The following KIF1A variants were observed in gnomAD, a reference collection of about 807,000 sequenced individuals.
KIF1A encodes the protein kinesin family member 1A, also known as kinesin-like protein KIF1A.
KIF1A carries 46 observed loss-of-function variants against 227.3 expected under a neutral mutation model. The observed-to-expected ratio is 0.20, with a 90% CI of 0.16 to 0.26. The LOEUF is 0.26. Ranked by LOEUF, KIF1A falls within the 10% of genes least tolerant of loss-of-function variation. The pLI, the probability that KIF1A is intolerant of heterozygous loss-of-function variation, is 1.00. For synonymous variants in KIF1A, 1,022 were observed against 1,012.8 expected (o/e 1.01, Z -0.17); for missense variants, 1,683 against 2,485.9 (o/e 0.68, Z 6.87).
chr2:240,798,445 G>C (rs1291414159), intron 1 of KIF1A, among the ~76,000 whole-genome samples: 3 of 152,232 alleles, frequency 2.0e-5, no homozygotes, highest in Non-Finnish European at 2.9e-5. Flanking sequence ...ACATTCCTGA[G>C]CCCCACTGAG....
Position 240,745,982 on chromosome 2 carries a change from T to C in KIF1A, c.3202+57A>G, listed in dbSNP as rs2048551130. On this transcript the variant is annotated intron_variant, in intron 30 of 48. Coordinates refer to ENST00000498729, the MANE Select transcript of KIF1A (RefSeq NM_001244008.2). ...TTCCAGCCACAGGCCTGGGCCGGGCTCAGGAACCAGGTCTCAGCATCCCCT... is the reference window on the plus strand; with the variant it reads ...TTCCAGCCACAGGCCTGGGCCGGGCCCAGGAACCAGGTCTCAGCATCCCCT... 6 of 1,596,808 alleles carry C rather than the reference T, an allele frequency of 3.8e-6. No homozygotes were observed. In the Admixed American group the frequency reaches 6.9e-5, roughly 18 times the overall value.
intron 20 of KIF1A, among the ~76,000 whole-genome samples, chr2:240,764,817 A>G (rs2050954150): frequency 6.6e-6 from 1 of 152,134 alleles, no homozygotes; most frequent in East Asian, 1.9e-4. Context: ...AAGCAGGTGA[A>G]GACCTAAGAG....
intron 1 of KIF1A, 123 bp from the exon 2 acceptor site, chr2:240,797,935 ATG>A (rs2056582000): frequency 1.8e-6 from 1 of 558,518 alleles, no homozygotes; most frequent in Non-Finnish European, 3.2e-6. Flanking sequence ...TGATACATGC[ATG>A]GGGTGGAATC....
Position 240,719,844 on chromosome 2 carries a change from C to T in KIF1A, c.4951G>A (p.Ala1651Thr), listed in dbSNP as rs112808596. ...TCCTTGTCTGTCTCTGTTGCCCGGG[C>T]AGGGGAAGGGAGCTTCTTGGAGTCG... The part of the protein sequence containing the change: ...EADSKKLPSP[A>T]RATETDKEPQ... Residue 1651 changes from alanine (A) to threonine (T), a missense_variant, in exon 46 of 49, where the codon GCC (alanine) becomes ACC (threonine). Coordinates refer to ENST00000498729, the MANE Select transcript of KIF1A (RefSeq NM_001244008.2). 6.2e-7 allele frequency: 1 copy of T among 1,611,720 alleles called. No individual in the cohort carries two copies.
intron 28 of KIF1A, among the ~76,000 whole-genome samples, chr2:240,749,025 C>T (rs1476322374): frequency 6.6e-6 from 1 of 151,900 alleles, no homozygotes; most frequent in South Asian, 2.1e-4. Flanking sequence ...ACTCGGCAGG[C>T]TGAGGCAGGA....
At chr2:240,720,116 C>T (rs1157482364) in intron 45 of KIF1A, 190 bp from the exon 46 acceptor site, 2 of 497,066 alleles carry the variant, frequency 4.0e-6, no homozygotes, top group Non-Finnish European at 6.7e-6. Context: ...GTGCCCGATT[C>T]CAGGAAGTGC....
At chr2:240,795,204 G>T (rs2056225268) in intron 2 of KIF1A, among the ~76,000 whole-genome samples, 1 of 152,160 alleles carries the variant, frequency 6.6e-6, no homozygotes, top group Admixed American at 6.5e-5. Flanking sequence ...TCCTGGGCTT[G>T]CCTAGACTTC....
At chr2:240,773,687 A>G (rs1292501926) in intron 12 of KIF1A, among the ~76,000 whole-genome samples, 1 of 152,168 alleles carries the variant, frequency 6.6e-6, no homozygotes, top group Non-Finnish European at 1.5e-5. Context: ...ATGAACCTCT[A>G]TTGGGCCACA....
intron 13 of KIF1A, among the ~76,000 whole-genome samples, chr2:240,772,905 G>T (rs1001823167): frequency 1.3e-5 from 2 of 152,228 alleles, no homozygotes; most frequent in African/African-American, 4.8e-5. Flanking sequence ...CCCCCGCCCG[G>T]CCTCCCACCC....
chr2:240,813,228 A>G (rs575246518), intron 1 of KIF1A, among the ~76,000 whole-genome samples: 235 of 152,326 alleles, frequency 1.5e-3, no homozygotes, highest in African/African-American at 5.2e-3. Flanking sequence ...ACCCCTGGAG[A>G]GTAAGGAGCC....
At chr2:240,777,045 T>C (rs1446911566) in intron 10 of KIF1A, among the ~76,000 whole-genome samples, 2 of 152,110 alleles carry the variant, frequency 1.3e-5, no homozygotes, top group Non-Finnish European at 2.9e-5. Context: ...TTTTGTTTTG[T>C]TTTTGTTTTT....
At position 240,792,262 on chromosome 2, in the gene KIF1A, C is replaced by T. The variant is rs932426308; in HGVS notation, c.107-2950G>A. On this transcript the variant is annotated intron_variant, in intron 2 of 48. Transcript: ENST00000498729. The surrounding 1 kb of genome is among the most constrained non-coding windows in gnomAD (Gnocchi z 4.5). ...CTCCCCGATTCTGCTGGAGAAAGGG[C>T]TTTTTTTGCCAGGGTCTGGAATTTT... Among the ~76,000 whole-genome samples the T allele has an allele frequency of 1.3e-5, 2 of 152,078 alleles. No individual in the cohort carries two copies. The highest frequency in any genetic ancestry group is 3.9e-4 in the East Asian group (2 of 5,186).
At position 240,789,806 on chromosome 2, in the gene KIF1A, A is replaced by T. The variant is rs957726190; in HGVS notation, c.107-494T>A. On this transcript the variant is annotated intron_variant, in intron 2 of 48. Coordinates refer to ENST00000498729, the MANE Select transcript of KIF1A (RefSeq NM_001244008.2). The surrounding 1 kb of genome is among the most constrained non-coding windows in gnomAD (Gnocchi z 4.8). ...GCGGTTCTTCTAGGCTTGCTACTCC[A>T]GACAGAGCTCTATGGGACTGTCTTC... Among the ~76,000 whole-genome samples, 7 of 152,032 alleles carry T rather than the reference A, an allele frequency of 4.6e-5. No homozygotes were observed. Among genetic ancestry groups the T allele is most frequent in the Non-Finnish European group, 7.4e-5 (5 of 68,000 alleles).
chr2:240,718,348 C>T (rs977188507), intron 47 of KIF1A, among the ~76,000 whole-genome samples, 180 bp from the exon 48 acceptor site: 6 of 152,192 alleles, frequency 3.9e-5, no homozygotes, highest in Non-Finnish European at 7.4e-5. Context: ...GCCTTCTGGA[C>T]GCATCTGCGG....
intron 43 of KIF1A, among the ~76,000 whole-genome samples, 178 bp downstream of exon 43, chr2:240,722,278 T>A (rs1053999110): frequency 1.3e-5 from 2 of 152,138 alleles, no homozygotes; most frequent in Non-Finnish European, 2.9e-5. Context: ...CAACTTTCAG[T>A]GCAGGTGGGG....
intron 27 of KIF1A, among the ~76,000 whole-genome samples, chr2:240,751,390 C>T (rs555382513): frequency 2.6e-5 from 4 of 152,298 alleles, no homozygotes; most frequent in South Asian, 4.1e-4. Context: ...GTGCCTGGGG[C>T]CCTCGATTCC....
At chr2:240,749,882 G>A (rs1017272020) in intron 28 of KIF1A, among the ~76,000 whole-genome samples, 6 of 152,242 alleles carry the variant, frequency 3.9e-5, no homozygotes, top group Admixed American at 2.6e-4. Flanking sequence ...ACCAGGGAAT[G>A]CATCAGGGAA....
At chr2:240,820,790 T>C (rs1350405738), upstream of KIF1A, among the ~76,000 whole-genome samples, 1 of 151,146 alleles carries the variant, frequency 6.6e-6, no homozygotes, top group Non-Finnish European at 1.5e-5. The surrounding 1 kb of genome is among the most constrained non-coding windows in gnomAD (Gnocchi z 6.2). Context: ...AGAGCAGCAG[T>C]GACCCAGGCC....
intron 40 of KIF1A, chr2:240,724,322 G>A: frequency 6.1e-6 from 3 of 495,140 alleles, no homozygotes; most frequent in Non-Finnish European, 7.4e-6. Flanking sequence ...CCCAAGTGGG[G>A]TACAGGCAAC....
Sources: allele counts gnomAD v4.1 joint callset (sites outside exome capture counted in the v4.1 genomes callset), GRCh38; gene constraint gnomAD v4.1.1; non-coding constraint Gnocchi (gnomAD v3.1); transcripts MANE v1.5; gene names NCBI Gene and HGNC (gene_info 2026-07-23, HGNC 2026-07-21).